The following SLC22A23 variants were observed in gnomAD, a reference collection of about 807,000 sequenced individuals.
The protein encoded by SLC22A23 is solute carrier family 22 member 23.
Under a neutral mutation model 61.0 loss-of-function variants are expected in SLC22A23, and 26 were observed. The ratio of observed to expected loss-of-function variants is 0.43; its 90% CI spans 0.31 to 0.59. The LOEUF (loss-of-function observed/expected upper bound fraction) is 0.59, where lower values mean the gene tolerates loss of function less well. SLC22A23 is among the 20% of genes least tolerant of loss of function. SLC22A23 has a pLI of 0.11. For missense variants in SLC22A23, 796 were observed against 934.7 expected, an observed-to-expected ratio of 0.85 and a Z score of 1.94; for synonymous variants, 430 against 413.9, an observed-to-expected ratio of 1.04 and a Z score of -0.47.
chr6:3,274,830 T>TA (rs144274137), intron 9 of SLC22A23, among the ~76,000 whole-genome samples: 2,493 of 152,202 alleles, frequency 0.016, 78 homozygotes, highest in African/African-American at 0.057. Flanking sequence ...TGCTGAAAAT[T>TA]AAAAGATAAA....
chr6:3,455,062 C>T (rs1257367785), intron 1 of SLC22A23, among the ~76,000 whole-genome samples: 1 of 152,198 alleles, frequency 6.6e-6, no homozygotes, highest in Admixed American at 6.5e-5. Flanking sequence ...TTACAGCTGT[C>T]TAGGGGCATT....
intron 1 of SLC22A23, chr6:3,432,289 A>G: frequency 1.0e-6 from 1 of 985,426 alleles, no homozygotes; most frequent in South Asian, 4.7e-5. Context: ...GGCTCCTTCC[A>G]CAATCACTCA....
chr6:3,416,520 T>C (rs1219703051), intron 1 of SLC22A23, among the ~76,000 whole-genome samples: 3 of 152,246 alleles, frequency 2.0e-5, no homozygotes, highest in African/African-American at 7.2e-5. Flanking sequence ...GACTATTATA[T>C]TGTTTAATAA....
intron 1 of SLC22A23, among the ~76,000 whole-genome samples, chr6:3,426,495 A>G (rs1360062859): frequency 2.8e-5 from 2 of 71,810 alleles, no homozygotes; most frequent in African/African-American, 7.0e-5. Flanking sequence ...AAGGATTAGG[A>G]AAAAAAAAAA....
intron 3 of SLC22A23, among the ~76,000 whole-genome samples, chr6:3,349,545 A>C: frequency 6.6e-6 from 1 of 151,414 alleles, no homozygotes; most frequent in African/African-American, 2.4e-5. Flanking sequence ...TTCCTCCTCC[A>C]CCTCCTCACA....
chr6:3,448,264 G>A (rs540718999), intron 1 of SLC22A23, among the ~76,000 whole-genome samples: 20 of 151,978 alleles, frequency 1.3e-4, no homozygotes, highest in Non-Finnish European at 1.8e-4. Context: ...TTTAACAACC[G>A]GCTCTATGAA....
rs1404928629 is a variant in SLC22A23, at chr6:3,283,407, G to A, written c.1703+445C>T. The stretch of plus-strand genomic sequence containing the variant: ...AGATCATGCCATTGTACTCCAGGCT[G>A]GGCAATAAGAGTGAAACTCCATCTC... On this transcript the variant is annotated intron_variant, in intron 9 of 9. Transcript: ENST00000406686. The A allele has an allele frequency of 1.2e-5, 3 of 251,156 alleles. No homozygotes were observed. In the East Asian group the frequency reaches 3.2e-4, roughly 27 times the overall value. 15.6% of individuals were successfully genotyped at this position (251,156 alleles called of 1,614,324 possible).
chr6:3,437,552 G>T (rs1771299746), intron 1 of SLC22A23, among the ~76,000 whole-genome samples: 1 of 151,418 alleles, frequency 6.6e-6, no homozygotes. Flanking sequence ...AGTCAGGTGT[G>T]GTGGCAGGCG....
At chr6:3,334,563 C>G (rs1054238430) in intron 3 of SLC22A23, among the ~76,000 whole-genome samples, 2 of 151,720 alleles carry the variant, frequency 1.3e-5, no homozygotes, top group African/African-American at 4.8e-5. Flanking sequence ...GGCAGAAGCA[C>G]AAGAAACCTG....
intron 3 of SLC22A23, among the ~76,000 whole-genome samples, chr6:3,341,093 G>A (rs894593757): frequency 6.6e-6 from 1 of 152,122 alleles, no homozygotes; most frequent in Non-Finnish European, 1.5e-5. Flanking sequence ...ACACACATTC[G>A]GAACATACAG....
At chr6:3,303,456 T>TA (rs1761759070) in intron 4 of SLC22A23, 1 of 152,172 alleles carries the variant, frequency 6.6e-6, no homozygotes, top group Admixed American at 6.5e-5. Context: ...CCTAGGTGTC[T>TA]AACACAGATG....
intron 3 of SLC22A23, among the ~76,000 whole-genome samples, chr6:3,364,624 C>T (rs1464459249): frequency 6.6e-6 from 1 of 152,176 alleles, no homozygotes; most frequent in Non-Finnish European, 1.5e-5. Context: ...GCTGTGTTTC[C>T]AGGGTCAGCG....
intron 5 of SLC22A23, chr6:3,290,239 T>C (rs933366160): frequency 6.2e-6 from 2 of 323,266 alleles, no homozygotes; most frequent in Non-Finnish European, 1.2e-5. Context: ...AGGCACTCAT[T>C]AGGCCCTGGG....
intron 3 of SLC22A23, among the ~76,000 whole-genome samples, chr6:3,405,247 C>T (rs931071013): frequency 6.0e-5 from 9 of 150,928 alleles, no homozygotes; most frequent in African/African-American, 2.0e-4. Context: ...GGCGACAGTG[C>T]GAGACTGTCT....
chr6:3,316,788 T>G (rs1489360890), intron 4 of SLC22A23, among the ~76,000 whole-genome samples: 1 of 152,164 alleles, frequency 6.6e-6, no homozygotes, highest in African/African-American at 2.4e-5. Flanking sequence ...AGACACGTGC[T>G]CCCATGTGTG....
intron 3 of SLC22A23, among the ~76,000 whole-genome samples, chr6:3,376,269 A>G (rs1464703672): frequency 2.0e-5 from 3 of 152,176 alleles, no homozygotes; most frequent in Non-Finnish European, 2.9e-5. Context: ...GTCTGATTTG[A>G]GCAACGCATC....
intron 4 of SLC22A23, among the ~76,000 whole-genome samples, chr6:3,306,975 G>A (rs762832965): frequency 2.0e-5 from 3 of 152,214 alleles, no homozygotes; most frequent in East Asian, 1.9e-4. Context: ...CCAAGCAGGC[G>A]TCAGCGTCTG....
intron 5 of SLC22A23, chr6:3,290,280 A>T: frequency 8.4e-6 from 2 of 239,098 alleles, no homozygotes; most frequent in South Asian, 9.8e-5. Context: ...TTTTCCGTAC[A>T]CTCTACATCT....
chr6:3,440,726 AGAG>A (rs1771538274), intron 1 of SLC22A23, among the ~76,000 whole-genome samples: 1 of 151,312 alleles, frequency 6.6e-6, no homozygotes, highest in Non-Finnish European at 1.5e-5. Flanking sequence ...AAAAAAAAGA[AGAG>A]GAGATGAGGA....
Sources: gnomAD v4.1 joint callset for allele counts (sites outside exome capture counted in the v4.1 genomes callset) on GRCh38, gnomAD v4.1.1 for gene constraint, MANE v1.5 for transcripts, NCBI Gene and HGNC (gene_info 2026-07-23, HGNC 2026-07-21) for gene names.